LRRTM4: variants seen among roughly 807,000 people sequenced by gnomAD.
LRRTM4 encodes the protein leucine-rich repeat transmembrane neuronal protein 4.
LRRTM4 carries 25 observed loss-of-function variants against 47.6 expected under a neutral mutation model. The ratio of observed to expected loss-of-function variants is 0.53; its 90% CI spans 0.38 to 0.73. The LOEUF is 0.73. LRRTM4 is among the 30% of genes least tolerant of loss of function. The probability of loss-of-function intolerance (pLI) is 0.00; values close to 1 mark genes in which losing one functional copy is unlikely to be tolerated. For synonymous variants in LRRTM4, 311 were observed against 269.5 expected (o/e 1.15, Z -1.51); for missense variants, 638 against 713.4 (o/e 0.89, Z 1.20).
chr2:77,425,339 A>G (rs1188250074), intron 3 of LRRTM4, among the ~76,000 whole-genome samples: 1 of 152,122 alleles, frequency 6.6e-6, no homozygotes, highest in Non-Finnish European at 1.5e-5. Flanking sequence ...ATGTCTCATG[A>G]TTATCACCAA....
At chr2:76,787,122 C>A (rs183903618) in intron 3 of LRRTM4, among the ~76,000 whole-genome samples, 1 of 151,954 alleles carries the variant, frequency 6.6e-6, no homozygotes, top group East Asian at 1.9e-4. Context: ...AATGAAAGGA[C>A]TGTGTTCATG....
chr2:76,952,614 G>A (rs968375268), intron 3 of LRRTM4, among the ~76,000 whole-genome samples: 1 of 151,964 alleles, frequency 6.6e-6, no homozygotes, highest in Admixed American at 6.6e-5. Flanking sequence ...GTTCGGCACG[G>A]TGGAAAACAA....
chr2:77,422,766 G>A (rs1396071290), intron 3 of LRRTM4, among the ~76,000 whole-genome samples: 2 of 152,092 alleles, frequency 1.3e-5, no homozygotes, highest in Non-Finnish European at 2.9e-5. Flanking sequence ...ATGGTATGAT[G>A]TTGGTAGCTG....
At chr2:77,026,267 C>T (rs1678449390) in intron 3 of LRRTM4, among the ~76,000 whole-genome samples, 1 of 152,040 alleles carries the variant, frequency 6.6e-6, no homozygotes, top group South Asian at 2.1e-4. Flanking sequence ...TCATGTCAAT[C>T]AATCCTCATG....
At chr2:76,790,580 A>G (rs1201487257) in intron 3 of LRRTM4, among the ~76,000 whole-genome samples, 1 of 152,204 alleles carries the variant, frequency 6.6e-6, no homozygotes, top group Non-Finnish European at 1.5e-5. Context: ...TTTGACACAT[A>G]GTAGCACTTG....
rs536321524 is a variant in LRRTM4 at position 76,882,705 on chromosome 2, G to A, written c.1552-133789C>T. On this transcript the variant is annotated intron_variant, in intron 3 of 3. Coordinates refer to ENST00000409884, the MANE Select transcript of LRRTM4 (RefSeq NM_001134745.3). Reference sequence around the variant, plus strand: ...GGAGACTGGTCTCCTGAACAGGACAGTACCAGTTGCTAAAAATGGAGGGTT... The same window carrying A: ...GGAGACTGGTCTCCTGAACAGGACAATACCAGTTGCTAAAAATGGAGGGTT... Among the ~76,000 whole-genome samples the A allele has an allele frequency of 4.6e-5, 7 of 152,082 alleles. No homozygotes were observed. The South Asian group carries it at 1.2e-3, about 27-fold the overall frequency.
chr2:77,118,757 T>G (rs1671452752), intron 3 of LRRTM4, among the ~76,000 whole-genome samples: 1 of 151,794 alleles, frequency 6.6e-6, no homozygotes, highest in African/African-American at 2.4e-5. Context: ...CCGAGACAAG[T>G]TATTCAAATT....
chr2:76,901,748 T>G (rs1487309049), intron 3 of LRRTM4, among the ~76,000 whole-genome samples: 2 of 152,162 alleles, frequency 1.3e-5, no homozygotes, highest in African/African-American at 4.8e-5. Context: ...CTTCTCCTTG[T>G]TGAGTGGGGG....
At chr2:77,485,238 A>T (rs1677862212) in intron 3 of LRRTM4, among the ~76,000 whole-genome samples, 2 of 152,150 alleles carry the variant, frequency 1.3e-5, no homozygotes, top group Non-Finnish European at 2.9e-5. Context: ...AGAATATTTT[A>T]AAAGTAGGTC....
chr2:77,028,312 C>A (rs1219031340), intron 3 of LRRTM4, among the ~76,000 whole-genome samples: 4 of 152,108 alleles, frequency 2.6e-5, no homozygotes, highest in Non-Finnish European at 5.9e-5. Flanking sequence ...AAGCCAAAAG[C>A]ATGAATGGAA....
At chr2:77,127,324 C>T (rs1671674281) in intron 3 of LRRTM4, among the ~76,000 whole-genome samples, 1 of 152,132 alleles carries the variant, frequency 6.6e-6, no homozygotes, top group Non-Finnish European at 1.5e-5. Flanking sequence ...TCCTGGTATG[C>T]ACTTAACAGA....
chr2:77,004,554 C>A (rs1677562749), intron 3 of LRRTM4, among the ~76,000 whole-genome samples: 1 of 152,146 alleles, frequency 6.6e-6, no homozygotes, highest in Non-Finnish European at 1.5e-5. Flanking sequence ...GTGGTGCCCT[C>A]ATGGAGAACC....
At chr2:77,070,343 T>G (rs904405902) in intron 3 of LRRTM4, among the ~76,000 whole-genome samples, 7 of 152,132 alleles carry the variant, frequency 4.6e-5, no homozygotes, top group African/African-American at 1.7e-4. Flanking sequence ...GTTTTTGAGT[T>G]GACTTTATTG....
intron 3 of LRRTM4, among the ~76,000 whole-genome samples, chr2:76,848,513 C>T (rs1671899910): frequency 6.6e-6 from 1 of 151,990 alleles, no homozygotes; most frequent in Non-Finnish European, 1.5e-5. Flanking sequence ...TGTTCATTTT[C>T]TGTTCAGGTT....
chr2:77,254,301 A>G (rs558069422), intron 3 of LRRTM4, among the ~76,000 whole-genome samples: 4 of 152,124 alleles, frequency 2.6e-5, no homozygotes, highest in Admixed American at 2.6e-4. Context: ...TTCTATATCA[A>G]GCAAAACTAT....
chr2:77,416,293 A>G (rs1286078255), intron 3 of LRRTM4, among the ~76,000 whole-genome samples: 2 of 152,100 alleles, frequency 1.3e-5, no homozygotes, highest in Non-Finnish European at 2.9e-5. Context: ...TTGTAGGCTC[A>G]TAAGGAGCCT....
chr2:76,853,987 G>T (rs543447695), intron 3 of LRRTM4, among the ~76,000 whole-genome samples: 12 of 152,174 alleles, frequency 7.9e-5, no homozygotes, highest in African/African-American at 2.6e-4. Flanking sequence ...TCATTTTTCT[G>T]TTCTTTAAAA....
Position 76,878,507 on chromosome 2 carries a change from G to GA in LRRTM4, c.1552-129592dup, listed in dbSNP as rs777924003. Among the ~76,000 whole-genome samples, 747 of 140,606 alleles carry GA rather than the reference G, an allele frequency of 5.3e-3. 7 individuals are homozygous for GA. Among genetic ancestry groups the GA allele is most frequent in the African/African-American group, 0.016 (617 of 38,544 alleles). 92.2% of individuals were successfully genotyped at this position (140,606 alleles called of 152,430 possible). On this transcript the variant is annotated intron_variant, in intron 3 of 3. Coordinates refer to ENST00000409884, the MANE Select transcript of LRRTM4 (RefSeq NM_001134745.3). ...GTGCCACATATCCCAGTTGCAAATGGAAAAAAAAAAAAAGTTCTTAAAGAA... is the reference window on the plus strand; with the variant it reads ...GTGCCACATATCCCAGTTGCAAATGGAAAAAAAAAAAAAAGTTCTTAAAGAA...
chr2:77,095,194 A>G (rs1219422483), intron 3 of LRRTM4, among the ~76,000 whole-genome samples: 1 of 152,240 alleles, frequency 6.6e-6, no homozygotes, highest in Admixed American at 6.5e-5. Flanking sequence ...AATTAAAACC[A>G]CAGTGAGATA....
Sources: gnomAD v4.1 joint callset for allele counts (sites outside exome capture counted in the v4.1 genomes callset) on GRCh38, gnomAD v4.1.1 for gene constraint, MANE v1.5 for transcripts, NCBI Gene and HGNC (gene_info 2026-07-23, HGNC 2026-07-21) for gene names.